RIC8A: variants seen among roughly 807,000 people sequenced by gnomAD.
The protein encoded by RIC8A is RIC8 guanine nucleotide exchange factor A.
In RIC8A, 37 loss-of-function variants were observed where a neutral mutation model predicts 48.4. The observed-to-expected ratio is 0.77, with a 90% CI of 0.59 to 1.01. The LOEUF is 1.01. Ranked by LOEUF, RIC8A falls within the 50% of genes least tolerant of loss-of-function variation. RIC8A has a pLI of 0.00. For missense variants in RIC8A, 681 were observed against 696.8 expected (o/e 0.98, Z 0.25); for synonymous variants, 288 against 283.4 (o/e 1.02, Z -0.16).
At chr11:212,333 G>A in intron 5 of RIC8A, 83 bp from the exon 6 acceptor site, 1 of 1,350,574 alleles carries the variant, frequency 7.4e-7, no homozygotes, top group Admixed American at 1.9e-5. Flanking sequence ...ATGTTGGTGG[G>A]AAGGGGTGGT....
At chr11:214,192 G>A in intron 9 of RIC8A, 38 bp from the exon 10 acceptor site, 2 of 1,603,724 alleles carry the variant, frequency 1.2e-6, no homozygotes, top group East Asian at 2.2e-5. Flanking sequence ...TGGCCAACTG[G>A]GCCCCTTCCC....
rs1163309210 is a variant in RIC8A, at chr11:211,089, T to C, written c.819-110T>C. 8 of 1,252,894 alleles carry C rather than the reference T, an allele frequency of 6.4e-6. No individual in the cohort carries two copies. Among genetic ancestry groups the C allele is most frequent in the Non-Finnish European group, 8.9e-6 (8 of 895,196 alleles). The allele number at this position is 1,252,894 out of a possible 1,614,324, so 77.6% of individuals were successfully genotyped here. ...GGCTTTGGTCCCTAGCGCTGCCCCT[T>C]TGGGACTCAGATGCCAGCTCATGTA... On this transcript the variant is annotated intron_variant, in intron 4 of 9. Transcript: ENST00000526104. The surrounding 1 kb of genome is among the most constrained non-coding windows in gnomAD (Gnocchi z 4.0).
Position 209,780 on chromosome 11 carries a change from TC to T in RIC8A, c.508del (p.Leu170CysfsTer2). 1 of 1,614,074 alleles carries T rather than the reference TC, an allele frequency of 6.2e-7. No individual in the cohort carries two copies. The highest frequency in any genetic ancestry group is 2.2e-5 in the East Asian group (1 of 44,890). On this transcript the variant is annotated frameshift_variant, in exon 3 of 10. Transcript: ENST00000526104. LOFTEE classifies it high-confidence loss of function. The part of the protein sequence containing the change: ...DVQFFDLRLL[F>X]LLTALRTDVR... ...CAGTTCTTTGACTTGCGGCTCCTCT[TC>T]CTGCTAACGGCACTCCGCACCGATG...
Position 214,642 on chromosome 11 carries a change from C to G in RIC8A, c.*292C>G. Reference sequence around the variant, plus strand: ...GAGGAATGTGTTCAGAAGCTGCTGCCTGAGGGCAGGGCCTACCTGGGCACA... The same window carrying G: ...GAGGAATGTGTTCAGAAGCTGCTGCGTGAGGGCAGGGCCTACCTGGGCACA... On this transcript the variant is annotated 3_prime_UTR_variant, in exon 10 of 10. Coordinates refer to ENST00000526104, the MANE Select transcript of RIC8A (RefSeq NM_001286134.2). 1 of 455,948 alleles carries G rather than the reference C, an allele frequency of 2.2e-6. No homozygotes were observed. Among genetic ancestry groups the G allele is most frequent in the South Asian group, 2.0e-5 (1 of 49,980 alleles). The allele number at this position is 455,948 out of a possible 1,614,324, so 28.2% of individuals were successfully genotyped here. A position where few individuals can be genotyped will look rare whatever the true frequency, so the allele number is the denominator to read the frequency against.
chr11:210,458 G>C (rs753466206), intron 3 of RIC8A, 113 bp from the exon 4 acceptor site: 1 of 1,004,652 alleles, frequency 1.0e-6, no homozygotes, highest in Admixed American at 1.7e-5. Context: ...ATGCAGTACA[G>C]GAGGTGCACA....
intron 9 of RIC8A, 130 bp from the exon 10 acceptor site, chr11:214,100 C>A: frequency 9.2e-7 from 1 of 1,090,932 alleles, no homozygotes; most frequent in Non-Finnish European, 1.3e-6. Context: ...AACAGAAGGT[C>A]CAACCAGGCT....
Position 208,921 on chromosome 11 carries a change from C to T in RIC8A, c.67C>T (p.Arg23Trp). 2 of 1,578,504 alleles carry T rather than the reference C, an allele frequency of 1.3e-6. No individual in the cohort carries two copies. Among genetic ancestry groups the T allele is most frequent in the Non-Finnish European group, 1.7e-6 (2 of 1,161,086 alleles). The change falls in exon 1 of 10, where the codon CGG becomes TGG. Residue 23 changes from arginine to tryptophan, a missense_variant. Transcript: ENST00000526104. This position sits in a 1 kb window ranked among gnomAD's most constrained non-coding sequence, Gnocchi z 4.8. ...GEEDVIMEAL[R>W]SYNQEHSQSF... Reference sequence around the variant, plus strand: ...GGAGGATGTGATTATGGAAGCTCTGCGGTCATACAACCAGGAGGTAAGCGG... The same window carrying T: ...GGAGGATGTGATTATGGAAGCTCTGTGGTCATACAACCAGGAGGTAAGCGG...
rs1470224802 is a variant in RIC8A at position 209,111 on chromosome 11, C to A, written c.85-160C>A. 14 of 1,051,548 alleles carry A rather than the reference C, an allele frequency of 1.3e-5. No individual in the cohort carries two copies. The South Asian group carries it at 1.6e-4, about 12-fold the overall frequency. 65.1% of individuals were successfully genotyped at this position (1,051,548 alleles called of 1,614,324 possible). A position where few individuals can be genotyped will look rare whatever the true frequency, so the allele number is the denominator to read the frequency against. ...GTGTTGCGGGGAGAGTGGGGGTGCACCCGTTGGGTGGCAGGCGTGTAGGGA... is the reference window on the plus strand; with the variant it reads ...GTGTTGCGGGGAGAGTGGGGGTGCAACCGTTGGGTGGCAGGCGTGTAGGGA... On this transcript the variant is annotated intron_variant, in intron 1 of 9. Transcript: ENST00000526104.
chr11:208,225 C>T lies in RIC8A; in HGVS notation c.-630C>T, dbSNP rs117310761. 975 of 152,600 alleles carry T rather than the reference C, an allele frequency of 6.4e-3. 5 individuals carry two copies. The highest frequency in any genetic ancestry group is 0.011 in the South Asian group (55 of 4,918). The allele number at this position is 152,600 out of a possible 1,614,324, so 9.5% of individuals were successfully genotyped here. On this transcript the variant is annotated 5_prime_UTR_variant, in exon 1 of 10. Coordinates refer to ENST00000526104, the MANE Select transcript of RIC8A (RefSeq NM_001286134.2). The surrounding 1 kb of genome is among the most constrained non-coding windows in gnomAD (Gnocchi z 4.8). ...CCTCCAGTCTTTTCCCGGCTCACTT[C>T]CCACCGTCCGGTGTCAGCAAAAACA...
intron 1 of RIC8A, 159 bp downstream of exon 1, chr11:209,097 A>G: frequency 9.8e-7 from 1 of 1,019,720 alleles, no homozygotes; most frequent in Non-Finnish European, 1.5e-6. Flanking sequence ...TGTTGCGGGG[A>G]GAGTGGGGGT....
Position 211,035 on chromosome 11 carries a change from C to A in RIC8A, c.819-164C>A. The A allele has an allele frequency of 1.4e-6, 1 of 694,966 alleles. No homozygotes were observed. Among genetic ancestry groups the A allele is most frequent in the Non-Finnish European group, 2.4e-6 (1 of 414,216 alleles). 43.0% of individuals were successfully genotyped at this position (694,966 alleles called of 1,614,324 possible). A position where few individuals can be genotyped will look rare whatever the true frequency, so the allele number is the denominator to read the frequency against. ...GGGACCCCACTGTACAGCTGAGTGG[C>A]AGTGCCTCTCAGATCAGTCCCTGCC... On this transcript the variant is annotated intron_variant, in intron 4 of 9. Transcript: ENST00000526104. This position sits in a 1 kb window ranked among gnomAD's most constrained non-coding sequence, Gnocchi z 4.0.
In RIC8A at chr11:211,479, A is replaced by T; in HGVS notation, c.969+130A>T. ...TTGTCTTGGTGGTGTGATATGGGCGACTCTTCCGGTTGTTCTGTGGTCCAG... is the reference window on the plus strand; with the variant it reads ...TTGTCTTGGTGGTGTGATATGGGCGTCTCTTCCGGTTGTTCTGTGGTCCAG... On this transcript the variant is annotated intron_variant, in intron 5 of 9. Transcript: ENST00000526104. This position sits in a 1 kb window ranked among gnomAD's most constrained non-coding sequence, Gnocchi z 4.0. 3 of 990,552 alleles carry T rather than the reference A, an allele frequency of 3.0e-6. No homozygotes were observed. The highest frequency in any genetic ancestry group is 2.8e-6 in the Non-Finnish European group (2 of 705,610). The allele number at this position is 990,552 out of a possible 1,614,324, so 61.4% of individuals were successfully genotyped here. A position where few individuals can be genotyped will look rare whatever the true frequency, so the allele number is the denominator to read the frequency against.
At chr11:212,196 G>C (rs1460198192) in intron 5 of RIC8A, 2 of 569,868 alleles carry the variant, frequency 3.5e-6, no homozygotes, top group African/African-American at 3.7e-5. Flanking sequence ...GAGTACCTCT[G>C]AGTTACGCTC....
Position 209,603 on chromosome 11 carries a change from A to C in RIC8A, c.329A>C (p.Asp110Ala), listed in dbSNP as rs752383225. ...GAGGGGTCCGTCCCAGAGTCCGCAG[A>C]CATGGATGTTGTACTGGAGTCCCTC... ...VSEGSVPESA[D>A]MDVVLESLKC... Residue 110 changes from aspartate to alanine, a missense_variant, in exon 3 of 10, where the codon GAC becomes GCC. Physicochemically the swap from Asp to Ala is moderately radical, Grantham distance 126. Coordinates refer to ENST00000526104, the MANE Select transcript of RIC8A (RefSeq NM_001286134.2). 9.3e-5 allele frequency: 150 copies of C among 1,614,082 alleles called. No individual in the cohort carries two copies. Among genetic ancestry groups the C allele is most frequent in the Middle Eastern group, 3.3e-4 (2 of 6,062 alleles).
At chr11:213,802 C>T (rs1855445157) in intron 9 of RIC8A, 1 of 239,044 alleles carries the variant, frequency 4.2e-6, no homozygotes, top group African/African-American at 2.3e-5. Flanking sequence ...AAAAAGTTAG[C>T]TGGGCGTGGT....
Position 208,851 on chromosome 11 carries a change from C to A in RIC8A, c.-4C>A. 1 of 1,607,776 alleles carries A rather than the reference C, an allele frequency of 6.2e-7. No individual in the cohort carries two copies. The highest frequency in any genetic ancestry group is 1.1e-5 in the South Asian group (1 of 90,290). ...AGGGCCCGTCCCGCCTTCCCCGGCGCGCCATGGAGCCCCGGGCGGTTGCAG... is the reference window on the plus strand; with the variant it reads ...AGGGCCCGTCCCGCCTTCCCCGGCGAGCCATGGAGCCCCGGGCGGTTGCAG... On this transcript the variant is annotated 5_prime_UTR_variant, in exon 1 of 10. Coordinates refer to ENST00000526104, the MANE Select transcript of RIC8A (RefSeq NM_001286134.2). The surrounding 1 kb of genome is among the most constrained non-coding windows in gnomAD (Gnocchi z 4.8).
Position 212,918 on chromosome 11 carries a change from C to G in RIC8A, c.1292C>G (p.Pro431Arg). Residue 431 changes from proline (P) to arginine (R), a missense_variant, in exon 8 of 10, where the codon CCC becomes CGC. By Grantham distance (103) the Pro-to-Arg change is moderately radical. Transcript: ENST00000526104. ...AARGLMAGGRPEGQYSEDEDT... is the reference protein window; with the variant it reads ...AARGLMAGGRREGQYSEDEDT... Reference sequence around the variant, plus strand: ...AGGGGCCTCATGGCAGGAGGCCGGCCCGAGGGCCAGTACTCAGAGGATGAG... The same window carrying G: ...AGGGGCCTCATGGCAGGAGGCCGGCGCGAGGGCCAGTACTCAGAGGATGAG... 1 of 1,602,022 alleles carries G rather than the reference C, an allele frequency of 6.2e-7. No homozygotes were observed.
In RIC8A at chr11:209,326, C is replaced by G. The variant is rs769696703; in HGVS notation, c.132+8C>G. The G allele has an allele frequency of 6.2e-6, 10 of 1,612,266 alleles. No individual in the cohort carries two copies. Among genetic ancestry groups the G allele is most frequent in the Middle Eastern group, 1.7e-4 (1 of 6,056 alleles). On this transcript the variant is annotated splice_region_variant and intron_variant, in intron 2 of 9. Transcript: ENST00000526104. ...CAACAGGAGGACCGGAAGGTGGGTGCTGGCCCAAGGGGTAAAGGGGCAGGG... is the reference window on the plus strand; with the variant it reads ...CAACAGGAGGACCGGAAGGTGGGTGGTGGCCCAAGGGGTAAAGGGGCAGGG...
rs750126522 is a variant in RIC8A, at chr11:214,729, G to A, written c.*379G>A. The A allele has an allele frequency of 5.5e-6, 2 of 365,618 alleles. No individual in the cohort carries two copies. Among genetic ancestry groups the A allele is most frequent in the Non-Finnish European group, 1.1e-5 (2 of 187,962 alleles). 22.6% of individuals were successfully genotyped at this position (365,618 alleles called of 1,614,324 possible). On this transcript the variant is annotated 3_prime_UTR_variant, in exon 10 of 10. Coordinates refer to ENST00000526104, the MANE Select transcript of RIC8A (RefSeq NM_001286134.2). ...GGTGCACACAAAGCAAGCACCATCT[G>A]GGATTGGCACACTGGCAGAGCCAGT...
Sources: gnomAD v4.1 joint callset for allele counts on GRCh38, gnomAD v4.1.1 for gene constraint, Gnocchi (gnomAD v3.1) non-coding constraint, MANE v1.5 for transcripts, NCBI Gene and HGNC (gene_info 2026-07-23, HGNC 2026-07-21) for gene names.